PIEZO2: variants seen among roughly 807,000 people sequenced by gnomAD.
The protein encoded by PIEZO2 is piezo-type mechanosensitive ion channel component 2.
Under a neutral mutation model 337.3 loss-of-function variants are expected in PIEZO2, and 172 were observed. That is an observed-to-expected ratio of 0.51 (90% CI 0.45 to 0.58). The LOEUF (loss-of-function observed/expected upper bound fraction) is 0.58, where lower values mean the gene tolerates loss of function less well. Ranked by LOEUF, PIEZO2 falls within the 20% of genes least tolerant of loss-of-function variation. The pLI is 0.00. For missense variants in PIEZO2, 3,028 were observed against 3,391.3 expected (o/e 0.89, Z 2.66); for synonymous variants, 1,251 against 1,228.5 (o/e 1.02, Z -0.38).
In PIEZO2 at chr18:11,143,871, T is replaced by C. The variant is rs1303672829; in HGVS notation, c.64+4654A>G. Among the ~76,000 whole-genome samples the C allele has an allele frequency of 3.3e-5, 5 of 152,260 alleles. No homozygotes were observed. Among genetic ancestry groups the C allele is most frequent in the African/African-American group, 1.2e-4 (5 of 41,472 alleles). ...GCAGCGCCTGCTGTGTGTCAGGCTT[T>C]ATACAAGGTGTGCTGTGCACACTAT... On this transcript the variant is annotated intron_variant, in intron 1 of 55. Transcript: ENST00000674853. This position sits in a 1 kb window ranked among gnomAD's most constrained non-coding sequence, Gnocchi z 4.9.
rs1030426989 is a variant in PIEZO2 at position 10,921,805 on chromosome 18, C to T, written c.287-10577G>A. Among the ~76,000 whole-genome samples the T allele has an allele frequency of 2.3e-4, 35 of 152,254 alleles. 1 individual carries two copies. The highest frequency in any genetic ancestry group is 8.4e-4 in the African/African-American group (35 of 41,552). Reference sequence around the variant, plus strand: ...AGGAACATCCCTGAGAAAGAGAATACTCGCCTGAGGGTGGGTCTCTGAACT... The same window carrying T: ...AGGAACATCCCTGAGAAAGAGAATATTCGCCTGAGGGTGGGTCTCTGAACT... On this transcript the variant is annotated intron_variant, in intron 3 of 55. Transcript: ENST00000674853.
intron 8 of PIEZO2, 66 bp downstream of exon 8, chr18:10,807,046 A>C: frequency 7.0e-7 from 1 of 1,428,890 alleles, no homozygotes; most frequent in South Asian, 1.3e-5. Flanking sequence ...AACAGGAGTG[A>C]ATCATTTCAC....
intron 21 of PIEZO2, among the ~76,000 whole-genome samples, chr18:10,764,589 C>CA (rs35057417): frequency 0.78 from 111,648 of 143,082 alleles, 43,172 homozygotes; most frequent in East Asian, 0.87. Flanking sequence ...CACTACGTCT[C>CA]AAAAAAAAAA....
Position 11,094,827 on chromosome 18 carries a change from G to T in PIEZO2, c.65-28605C>A, listed in dbSNP as rs564886607. On this transcript the variant is annotated intron_variant, in intron 1 of 55. Transcript: ENST00000674853. The surrounding 1 kb of genome is among the most constrained non-coding windows in gnomAD (Gnocchi z 4.4). Reference sequence around the variant, plus strand: ...AAATGTCTCTCCTTTGTAAACATTAGTCTGCAGATTTAGAAGCACTTAGTA... The same window carrying T: ...AAATGTCTCTCCTTTGTAAACATTATTCTGCAGATTTAGAAGCACTTAGTA... Among the ~76,000 whole-genome samples, 1 of 152,314 alleles carries T rather than the reference G, an allele frequency of 6.6e-6. No homozygotes were observed. Among genetic ancestry groups the T allele is most frequent in the South Asian group, 2.1e-4 (1 of 4,830 alleles).
chr18:10,689,859 C>T, intron 48 of PIEZO2, 57 bp from the exon 49 acceptor site: 1 of 1,552,184 alleles, frequency 6.4e-7, no homozygotes, highest in Non-Finnish European at 8.7e-7. Context: ...CACCACCCTG[C>T]TCACCCAGGA....
chr18:10,968,455 A>G (rs957933863), intron 3 of PIEZO2, among the ~76,000 whole-genome samples: 2 of 152,142 alleles, frequency 1.3e-5, no homozygotes, highest in Non-Finnish European at 2.9e-5. Context: ...TTCCATATGA[A>G]TTTTAGGAAT....
chr18:10,817,649 C>A (rs575039934), intron 7 of PIEZO2, among the ~76,000 whole-genome samples: 6 of 152,040 alleles, frequency 3.9e-5, no homozygotes, highest in African/African-American at 1.2e-4. Flanking sequence ...TATGGCTGGG[C>A]GCGGTGGCTC....
chr18:10,776,971 A>C (rs2038812034), intron 18 of PIEZO2, among the ~76,000 whole-genome samples: 1 of 152,210 alleles, frequency 6.6e-6, no homozygotes, highest in East Asian at 1.9e-4. Context: ...GGAACTTATA[A>C]GACTTATAAT....
chr18:10,799,586 C>CTA (rs2039730792), intron 11 of PIEZO2, among the ~76,000 whole-genome samples: 1 of 152,024 alleles, frequency 6.6e-6, no homozygotes, highest in South Asian at 2.1e-4. Context: ...TGGTCTCCTT[C>CTA]AACATAAACA....
chr18:10,894,040 G>A lies in PIEZO2; in HGVS notation c.329+17146C>T, dbSNP rs2042827711. ...TGTCTCTTTAAAATAGTAATTGGTC[G>A]CAGCCAGCAGCAAGGAAAGGCCGTC... On this transcript the variant is annotated intron_variant, in intron 4 of 55. Coordinates refer to ENST00000674853, the MANE Select transcript of PIEZO2 (RefSeq NM_001378183.1). The surrounding 1 kb of genome is among the most constrained non-coding windows in gnomAD (Gnocchi z 4.1). Among the ~76,000 whole-genome samples the A allele has an allele frequency of 6.6e-6, 1 of 152,118 alleles. No homozygotes were observed. Among genetic ancestry groups the A allele is most frequent in the African/African-American group, 2.4e-5 (1 of 41,422 alleles).
At chr18:10,934,984 T>C (rs1015500439) in intron 3 of PIEZO2, among the ~76,000 whole-genome samples, 2 of 152,146 alleles carry the variant, frequency 1.3e-5, no homozygotes, top group African/African-American at 2.4e-5. Context: ...CACACAATCA[T>C]GAAGCAGAAA....
At position 10,682,793 on chromosome 18, in the gene PIEZO2, G is replaced by A. The variant is rs957944294; in HGVS notation, c.7498-501C>T. On this transcript the variant is annotated intron_variant, in intron 49 of 55. Coordinates refer to ENST00000674853, the MANE Select transcript of PIEZO2 (RefSeq NM_001378183.1). The surrounding 1 kb of genome is among the most constrained non-coding windows in gnomAD (Gnocchi z 5.6). The stretch of plus-strand genomic sequence containing the variant: ...CGTGTTGTTAAAGACAATGTTGTTC[G>A]ACACCTAAGGTAAGATTTGTATGAT... Among the ~76,000 whole-genome samples, 9 of 83,318 alleles carry A rather than the reference G, an allele frequency of 1.1e-4. No individual in the cohort carries two copies. The highest frequency in any genetic ancestry group is 2.4e-4 in the African/African-American group (7 of 29,524). The allele number at this position is 83,318 out of a possible 152,430, so 54.7% of individuals were successfully genotyped here. A position where few individuals can be genotyped will look rare whatever the true frequency, so the allele number is the denominator to read the frequency against.
In PIEZO2 at chr18:10,824,087, A is replaced by T. The variant is rs530395221; in HGVS notation, c.918-16813T>A. On this transcript the variant is annotated intron_variant, in intron 7 of 55. Coordinates refer to ENST00000674853, the MANE Select transcript of PIEZO2 (RefSeq NM_001378183.1). This position sits in a 1 kb window ranked among gnomAD's most constrained non-coding sequence, Gnocchi z 4.4. ...TATGCACCCATAAATAATACATACA[A>T]TTGTTATATGAATTTAACCCTATAT... 6.6e-6 allele frequency among the ~76,000 whole-genome samples: 1 copy of T among 152,304 alleles called. No homozygotes were observed. Among genetic ancestry groups the T allele is most frequent in the South Asian group, 2.1e-4 (1 of 4,816 alleles).
At chr18:10,769,442 T>C (rs1194450268) in intron 21 of PIEZO2, among the ~76,000 whole-genome samples, 5 of 152,260 alleles carry the variant, frequency 3.3e-5, no homozygotes, top group African/African-American at 9.6e-5. Flanking sequence ...AGTGTTGTAG[T>C]TGTGATATTT....
At chr18:11,026,958 C>G (rs181690377) in intron 2 of PIEZO2, among the ~76,000 whole-genome samples, 5 of 152,304 alleles carry the variant, frequency 3.3e-5, no homozygotes, top group Admixed American at 2.0e-4. Flanking sequence ...TATCACATCA[C>G]TTGAACTAAT....
In PIEZO2 at chr18:11,127,803, A is replaced by ATGAGTGTG. The variant is rs1555719383; in HGVS notation, c.64+20721_64+20722insCACACTCA. ...TGCATATACGTGTGTGTGTGTGTGCATGTGTGTGTGTGTGTGTGTGTGTAT... is the reference window on the plus strand; with the variant it reads ...TGCATATACGTGTGTGTGTGTGTGCATGAGTGTGTGTGTGTGTGTGTGTGTGTGTGTAT... On this transcript the variant is annotated intron_variant, in intron 1 of 55. Coordinates refer to ENST00000674853, the MANE Select transcript of PIEZO2 (RefSeq NM_001378183.1). The surrounding 1 kb of genome is among the most constrained non-coding windows in gnomAD (Gnocchi z 4.5). 1.4e-5 allele frequency among the ~76,000 whole-genome samples: 2 copies of ATGAGTGTG among 146,756 alleles called. No homozygotes were observed. The highest frequency in any genetic ancestry group is 5.1e-5 in the African/African-American group (2 of 39,482).
At chr18:11,041,787 A>C (rs2037132591) in intron 2 of PIEZO2, among the ~76,000 whole-genome samples, 1 of 152,246 alleles carries the variant, frequency 6.6e-6, no homozygotes, top group Non-Finnish European at 1.5e-5. Context: ...CCAACAAGGA[A>C]CCTACTTACT....
rs1158152141 is a variant in PIEZO2 at position 10,795,159 on chromosome 18, G to C, written c.1528-157C>G. On this transcript the variant is annotated intron_variant, in intron 12 of 55. Transcript: ENST00000674853. The surrounding 1 kb of genome is among the most constrained non-coding windows in gnomAD (Gnocchi z 4.4). Reference sequence around the variant, plus strand: ...GGAGTGATGGAGACCCCAAGCCGTGGAGTGGTGGCTTGGAAGGCAGGAGGT... The same window carrying C: ...GGAGTGATGGAGACCCCAAGCCGTGCAGTGGTGGCTTGGAAGGCAGGAGGT... Among the ~76,000 whole-genome samples, 1 of 152,184 alleles carries C rather than the reference G, an allele frequency of 6.6e-6. No individual in the cohort carries two copies. Among genetic ancestry groups the C allele is most frequent in the Admixed American group, 6.5e-5 (1 of 15,276 alleles).
At chr18:11,142,625 C>T (rs2040683920) in intron 1 of PIEZO2, among the ~76,000 whole-genome samples, 1 of 151,728 alleles carries the variant, frequency 6.6e-6, no homozygotes, top group Admixed American at 6.6e-5. Flanking sequence ...ACTAAAAATA[C>T]AAAAAATTAG....
Sources: allele counts gnomAD v4.1 joint callset (sites outside exome capture counted in the v4.1 genomes callset), GRCh38; gene constraint gnomAD v4.1.1; non-coding constraint Gnocchi (gnomAD v3.1); transcripts MANE v1.5; gene names NCBI Gene and HGNC (gene_info 2026-07-23, HGNC 2026-07-21).